Variants in MAGI1 observed in about 807,000 individuals in gnomAD.
MAGI1 encodes the protein membrane-associated guanylate kinase, WW and PDZ domain-containing protein 1.
MAGI1 carries 58 observed loss-of-function variants against 139.9 expected under a neutral mutation model. The ratio of observed to expected loss-of-function variants is 0.41; its 90% CI spans 0.34 to 0.52. The LOEUF (loss-of-function observed/expected upper bound fraction) is 0.52, where lower values mean the gene tolerates loss of function less well. Among genes scored for constraint, MAGI1 ranks in the 20% least tolerant of loss-of-function variants. The pLI, the probability that MAGI1 is intolerant of heterozygous loss-of-function variation, is 0.12. For missense variants in MAGI1, 1,874 were observed against 1,901.6 expected, an observed-to-expected ratio of 0.99 and a Z score of 0.27; for synonymous variants, 812 against 737.9, an observed-to-expected ratio of 1.10 and a Z score of -1.63.
chr3:65,686,061 G>A (rs17073424), intron 1 of MAGI1, among the ~76,000 whole-genome samples: 1,646 of 152,144 alleles, frequency 0.011, 32 homozygotes, highest in African/African-American at 0.037. Flanking sequence ...AAACACCTCC[G>A]GCAAGACTGT....
chr3:65,788,601 C>T (rs1011092934), intron 1 of MAGI1, among the ~76,000 whole-genome samples: 1 of 152,226 alleles, frequency 6.6e-6, no homozygotes, highest in Non-Finnish European at 1.5e-5. Flanking sequence ...GCACTCAAGA[C>T]CCTCTGTGGC....
chr3:65,420,811 T>C (rs949128870), intron 12 of MAGI1, among the ~76,000 whole-genome samples: 1 of 152,144 alleles, frequency 6.6e-6, no homozygotes, highest in Non-Finnish European at 1.5e-5. Flanking sequence ...ATAATGCATA[T>C]AAGTAAGTAA....
intron 1 of MAGI1, among the ~76,000 whole-genome samples, chr3:65,711,149 GA>G (rs111677115): frequency 6.6e-6 from 1 of 152,182 alleles, no homozygotes; most frequent in Non-Finnish European, 1.5e-5. Flanking sequence ...TACAGTGTTA[GA>G]TTTTTTGTGG....
At chr3:65,668,146 C>T (rs2086640985) in intron 1 of MAGI1, among the ~76,000 whole-genome samples, 1 of 152,188 alleles carries the variant, frequency 6.6e-6, no homozygotes, top group African/African-American at 2.4e-5. Flanking sequence ...CATTTAAACT[C>T]TTTGTGCCTC....
chr3:65,709,950 C>A (rs968243594), intron 1 of MAGI1, among the ~76,000 whole-genome samples: 1 of 152,176 alleles, frequency 6.6e-6, no homozygotes, highest in Admixed American at 6.5e-5. Context: ...AACACTGCAT[C>A]CCAAACCAGT....
At chr3:65,905,783 C>G (rs2061411598) in intron 1 of MAGI1, among the ~76,000 whole-genome samples, 1 of 152,166 alleles carries the variant, frequency 6.6e-6, no homozygotes, top group African/African-American at 2.4e-5. Flanking sequence ...AAAATGTAGT[C>G]TAACAACTTA....
chr3:65,927,455 C>T (rs569843550), intron 1 of MAGI1, among the ~76,000 whole-genome samples: 25 of 152,308 alleles, frequency 1.6e-4, no homozygotes, highest in African/African-American at 5.8e-4. Context: ...TTTAATGCCA[C>T]AAGTGTGAAC....
intron 1 of MAGI1, among the ~76,000 whole-genome samples, chr3:65,888,835 G>C (rs1309055513): frequency 6.6e-6 from 1 of 152,060 alleles, no homozygotes; most frequent in Admixed American, 6.6e-5. Flanking sequence ...GATGGAAAAT[G>C]GTTATTCCAA....
chr3:65,827,656 C>T (rs753600223), intron 1 of MAGI1, among the ~76,000 whole-genome samples: 6 of 152,128 alleles, frequency 3.9e-5, no homozygotes, highest in Non-Finnish European at 5.9e-5. Context: ...ATGGGTCAGA[C>T]GCACCCTTAC....
chr3:65,358,931 C>T lies in MAGI1; in HGVS notation c.3635-1799G>A, dbSNP rs1027393044. ...GAAGGCAACACTTCAACAGGGTCAG[C>T]GTTGTACTTACAATTCAAAGAACGC... On this transcript the variant is annotated intron_variant, in intron 22 of 22. Transcript: ENST00000402939. 8 of 824,186 alleles carry T rather than the reference C, an allele frequency of 9.7e-6. No homozygotes were observed. The African/African-American group carries it at 1.0e-4, about 10-fold the overall frequency. 51.1% of individuals were successfully genotyped at this position (824,186 alleles called of 1,614,324 possible). A position where few individuals can be genotyped will look rare whatever the true frequency, so the allele number is the denominator to read the frequency against.
intron 8 of MAGI1, among the ~76,000 whole-genome samples, chr3:65,440,373 G>C (rs187881890): frequency 1.1e-4 from 17 of 152,256 alleles, no homozygotes; most frequent in Non-Finnish European, 1.5e-4. Flanking sequence ...AGGCATGCAA[G>C]CTCAGGGTTG....
chr3:65,367,354 C>A (rs577886719), intron 18 of MAGI1, among the ~76,000 whole-genome samples: 2 of 152,038 alleles, frequency 1.3e-5, no homozygotes, highest in Non-Finnish European at 2.9e-5. Context: ...ACACAGAATT[C>A]CTTTATTATT....
chr3:65,383,485 A>T (rs768800077), intron 15 of MAGI1, 47 bp downstream of exon 15: 1 of 1,445,882 alleles, frequency 6.9e-7, no homozygotes, highest in South Asian at 1.1e-5. Flanking sequence ...ATTTGCTTTG[A>T]AGCCTTAGAA....
At chr3:65,770,868 T>C (rs1374134249) in intron 1 of MAGI1, among the ~76,000 whole-genome samples, 1 of 151,992 alleles carries the variant, frequency 6.6e-6, no homozygotes, top group Non-Finnish European at 1.5e-5. Context: ...TGTTTTTCTA[T>C]TTTTAGTAGA....
At chr3:65,989,839 C>G (rs181273319) in intron 1 of MAGI1, among the ~76,000 whole-genome samples, 1 of 152,020 alleles carries the variant, frequency 6.6e-6, no homozygotes, top group Non-Finnish European at 1.5e-5. Flanking sequence ...GCACCTGACC[C>G]AGACATAATT....
intron 1 of MAGI1, among the ~76,000 whole-genome samples, chr3:65,706,748 G>A (rs539381624): frequency 1.4e-4 from 21 of 152,176 alleles, no homozygotes; most frequent in African/African-American, 3.6e-4. Flanking sequence ...TGACTACAGC[G>A]TAATGGATGG....
intron 2 of MAGI1, among the ~76,000 whole-genome samples, chr3:65,540,140 A>G (rs2079142673): frequency 6.6e-6 from 1 of 152,214 alleles, no homozygotes; most frequent in African/African-American, 2.4e-5. Context: ...ACAGCAACTT[A>G]TGCTATAACA....
chr3:65,873,922 T>A (rs1021041967), intron 1 of MAGI1: 1 of 151,984 alleles, frequency 6.6e-6, no homozygotes, highest in Non-Finnish European at 1.5e-5. Context: ...TATTTAAATA[T>A]AAACCAAAAC....
intron 2 of MAGI1, among the ~76,000 whole-genome samples, chr3:65,510,401 T>C (rs1371147761): frequency 6.7e-6 from 1 of 150,096 alleles, no homozygotes; most frequent in East Asian, 2.0e-4. Context: ...AGTTGAAAAC[T>C]TTGAAAAAAA....
Sources: gnomAD v4.1 joint callset for allele counts (sites outside exome capture counted in the v4.1 genomes callset) on GRCh38, gnomAD v4.1.1 for gene constraint, MANE v1.5 for transcripts, NCBI Gene and HGNC (gene_info 2026-07-23, HGNC 2026-07-21) for gene names.